The following VPS13B variants were observed in gnomAD, a reference collection of about 807,000 sequenced individuals.
VPS13B encodes vacuolar protein sorting 13 homolog B, also known as intermembrane lipid transfer protein VPS13B.
In VPS13B, 285 loss-of-function variants were observed where a neutral mutation model predicts 426.4. The ratio of observed to expected loss-of-function variants is 0.67; its 90% CI spans 0.61 to 0.74. The LOEUF (loss-of-function observed/expected upper bound fraction) is 0.74. Ranked by LOEUF, VPS13B falls within the 30% of genes least tolerant of loss-of-function variation. VPS13B has a pLI of 0.00. For missense variants in VPS13B, 4,537 were observed against 4,782.6 expected (o/e 0.95, Z 1.51); for synonymous variants, 1,676 against 1,676.4 (o/e 1.00, Z 0.01).
chr8:99,247,856 G>A (rs918597174), intron 17 of VPS13B, among the ~76,000 whole-genome samples: 1 of 152,116 alleles, frequency 6.6e-6, no homozygotes, highest in Non-Finnish European at 1.5e-5. Flanking sequence ...CAATCAGGCA[G>A]GTTGCTGACG....
chr8:99,412,110 G>A (rs1161917229), intron 21 of VPS13B, among the ~76,000 whole-genome samples: 1 of 152,166 alleles, frequency 6.6e-6, no homozygotes, highest in Non-Finnish European at 1.5e-5. Context: ...GCTTGATGGG[G>A]ATAGCACTGA....
intron 17 of VPS13B, among the ~76,000 whole-genome samples, chr8:99,219,385 A>G (rs1815562414): frequency 6.6e-6 from 1 of 152,210 alleles, no homozygotes; most frequent in Non-Finnish European, 1.5e-5. Flanking sequence ...TCATGTATCA[A>G]AGGCCCCATT....
At chr8:99,744,521 G>A (rs1464260241) in intron 39 of VPS13B, among the ~76,000 whole-genome samples, 12 of 152,138 alleles carry the variant, frequency 7.9e-5, no homozygotes, top group Non-Finnish European at 1.3e-4. Flanking sequence ...ACATGCACAC[G>A]TATATTTATT....
intron 33 of VPS13B, among the ~76,000 whole-genome samples, chr8:99,634,164 C>G (rs1828977516): frequency 6.6e-6 from 1 of 151,870 alleles, no homozygotes; most frequent in African/African-American, 2.4e-5. Flanking sequence ...GATAAAATCT[C>G]AACAGGAAGG....
intron 3 of VPS13B, among the ~76,000 whole-genome samples, chr8:99,068,065 G>A (rs547061820): frequency 2.8e-4 from 42 of 152,082 alleles, no homozygotes; most frequent in Admixed American, 1.9e-3. Context: ...TTTATTTTCC[G>A]AAATATTTGT....
At chr8:99,037,081 C>T (rs568889840) in intron 2 of VPS13B, among the ~76,000 whole-genome samples, 5 of 152,144 alleles carry the variant, frequency 3.3e-5, no homozygotes, top group East Asian at 1.9e-4. Context: ...CTTAGAATAG[C>T]GCCTGGTACA....
chr8:99,436,090 C>T (rs1164939192), intron 22 of VPS13B, among the ~76,000 whole-genome samples: 1 of 151,934 alleles, frequency 6.6e-6, no homozygotes, highest in Non-Finnish European at 1.5e-5. Context: ...TGTTAGTGAT[C>T]AGAAATGGAG....
chr8:99,328,204 C>T (rs1304322331), intron 19 of VPS13B, among the ~76,000 whole-genome samples: 2 of 152,158 alleles, frequency 1.3e-5, no homozygotes, highest in African/African-American at 2.4e-5. Flanking sequence ...AATCTAATGT[C>T]TGATGATCTG....
chr8:99,496,841 A>G (rs954381488), intron 25 of VPS13B, among the ~76,000 whole-genome samples: 1 of 152,022 alleles, frequency 6.6e-6, no homozygotes, highest in African/African-American at 2.4e-5. Flanking sequence ...CAGTAGTTTC[A>G]ATAAATGTGA....
intron 35 of VPS13B, among the ~76,000 whole-genome samples, chr8:99,695,552 G>T (rs1831932056): frequency 9.7e-6 from 1 of 102,862 alleles, no homozygotes; most frequent in Admixed American, 1.2e-4. Context: ...CTGTGGTGGG[G>T]TGGGGGGAGG....
chr8:99,650,913 A>G (rs901274443), intron 34 of VPS13B, among the ~76,000 whole-genome samples: 1 of 152,154 alleles, frequency 6.6e-6, no homozygotes, highest in Non-Finnish European at 1.5e-5. Flanking sequence ...TTTTCTTATT[A>G]TCCTCTAAAC....
chr8:99,417,970 G>A (rs1200567703), intron 21 of VPS13B, among the ~76,000 whole-genome samples: 1 of 151,866 alleles, frequency 6.6e-6, no homozygotes, highest in Non-Finnish European at 1.5e-5. Flanking sequence ...AAGAAACCTA[G>A]GTTTTCTGAG....
At chr8:99,715,901 GT>G (rs1353042536) in intron 36 of VPS13B, among the ~76,000 whole-genome samples, 1 of 152,102 alleles carries the variant, frequency 6.6e-6, no homozygotes, top group Non-Finnish European at 1.5e-5. Flanking sequence ...TATGGCTTCA[GT>G]TATGGACTGA....
intron 24 of VPS13B, among the ~76,000 whole-genome samples, chr8:99,474,775 A>T (rs2133535628): frequency 6.6e-6 from 1 of 152,202 alleles, no homozygotes; most frequent in East Asian, 1.9e-4. Context: ...AACATTGGAA[A>T]CCCCTTGACA....
chr8:99,739,502 T>C (rs766004222), intron 39 of VPS13B, among the ~76,000 whole-genome samples: 1 of 152,170 alleles, frequency 6.6e-6, no homozygotes, highest in Non-Finnish European at 1.5e-5. Context: ...CAGCCAGATA[T>C]CTGAGAATGG....
rs575992102 is a variant in VPS13B at position 99,785,831 on chromosome 8, A to G, written c.7941+1355A>G. ...TCCTGTATAACCTATTAGATCTTCT[A>G]AGTTTCCATTGTCATTGCATTCCCA... On this transcript the variant is annotated intron_variant, in intron 43 of 61. Coordinates refer to ENST00000357162, the MANE Select transcript of VPS13B (RefSeq NM_152564.5). 3.9e-5 allele frequency among the ~76,000 whole-genome samples: 6 copies of G among 152,284 alleles called. No individual in the cohort carries two copies. The South Asian group carries it at 1.2e-3, about 32-fold the overall frequency.
rs1491217583 is a variant in VPS13B, at chr8:99,566,446, T to TTTCTATGGTGTTTTCTTCTTC, written c.4950-9210_4950-9209insCTATGGTGTTTTCTTCTTCTT. Among the ~76,000 whole-genome samples the TTTCTATGGTGTTTTCTTCTTC allele has an allele frequency of 4.0e-5, 3 of 75,502 alleles. No homozygotes were observed. The East Asian group carries it at 2.0e-3, about 49-fold the overall frequency. 49.5% of individuals were successfully genotyped at this position (75,502 alleles called of 152,430 possible). Reference sequence around the variant, plus strand: ...TCCCTCCTATGGTGTTTTCTTCTTCTTTTTTTTTTTTTGAGATGGAGTCTC... The same window carrying TTTCTATGGTGTTTTCTTCTTC: ...TCCCTCCTATGGTGTTTTCTTCTTCTTTCTATGGTGTTTTCTTCTTCTTTTTTTTTTTTGAGATGGAGTCTC... On this transcript the variant is annotated intron_variant, in intron 31 of 61. Transcript: ENST00000357162.
chr8:99,646,316 A>C (rs1829574439), intron 34 of VPS13B, among the ~76,000 whole-genome samples: 1 of 152,148 alleles, frequency 6.6e-6, no homozygotes, highest in Admixed American at 6.5e-5. Flanking sequence ...GGAGTCCAAG[A>C]CTAGCCTAGA....
At chr8:99,050,593 C>T (rs922992652) in intron 3 of VPS13B, among the ~76,000 whole-genome samples, 2 of 152,058 alleles carry the variant, frequency 1.3e-5, no homozygotes, top group Non-Finnish European at 1.5e-5. Context: ...GTTCTAGATC[C>T]CTGAGGAATC....
Sources: allele counts gnomAD v4.1 joint callset (sites outside exome capture counted in the v4.1 genomes callset), GRCh38; gene constraint gnomAD v4.1.1; transcripts MANE v1.5; gene names NCBI Gene and HGNC (gene_info 2026-07-23, HGNC 2026-07-21).